The following HTT variants were observed in gnomAD, a reference collection of about 807,000 sequenced individuals.
The protein encoded by HTT is huntington disease protein.
A neutral mutation model predicts 362.3 loss-of-function variants in HTT; 104 were observed. The observed-to-expected ratio is 0.29, with a 90% confidence interval of 0.24 to 0.34. The LOEUF is 0.34. Among genes scored for constraint, HTT ranks in the 10% least tolerant of loss-of-function variants. The probability of loss-of-function intolerance (pLI) is 1.00; values close to 1 mark genes in which losing one functional copy is unlikely to be tolerated. For synonymous variants in HTT, 1,577 were observed against 1,548.7 expected (o/e 1.02, Z -0.43); for missense variants, 3,301 against 3,928.6 (o/e 0.84, Z 4.27).
intron 31 of HTT, among the ~76,000 whole-genome samples, chr4:3,173,908 T>C (rs1455786103): frequency 6.6e-6 from 1 of 152,136 alleles, no homozygotes; most frequent in Admixed American, 6.5e-5. Flanking sequence ...CCTGACCTCG[T>C]GATCTGCCCG....
chr4:3,132,670 G>T lies in HTT; in HGVS notation c.2345G>T (p.Arg782Met). ...CGTLICSILS[R>M]SRFHVGDWMG... ...ACCCTCATCTGCTCCATCCTCAGCA[G>T]GTCCCGCTTCCACGTGGGAGATTGG... The change falls in exon 17 of 67, where the codon AGG (arginine) becomes ATG (methionine). Residue 782 changes from arginine to methionine, a missense_variant. By Grantham distance (91) the Arg-to-Met change is moderately conservative. Around this residue, in one of 4 missense-constraint regions of HTT, gnomAD observed 2,316 missense variants for 2,658.5 expected, o/e 0.87. Coordinates refer to ENST00000355072, the MANE Select transcript of HTT (RefSeq NM_001388492.1). 1 of 1,614,166 alleles carries T rather than the reference G, an allele frequency of 6.2e-7. No homozygotes were observed. Among genetic ancestry groups the T allele is most frequent in the Non-Finnish European group, 8.5e-7 (1 of 1,180,018 alleles).
intron 2 of HTT, among the ~76,000 whole-genome samples, chr4:3,087,856 T>A (rs1296693851): frequency 2.0e-5 from 3 of 152,210 alleles, no homozygotes; most frequent in African/African-American, 4.8e-5. Context: ...ATTCTTTTTT[T>A]AATTTTTTTT....
intron 40 of HTT, among the ~76,000 whole-genome samples, chr4:3,190,866 A>G (rs1718982420): frequency 1.3e-5 from 2 of 152,242 alleles, no homozygotes; most frequent in Non-Finnish European, 2.9e-5. Context: ...CTAGAAGCCT[A>G]GTTCTAGGGG....
intron 34 of HTT, among the ~76,000 whole-genome samples, chr4:3,177,732 G>C (rs1718301883): frequency 6.6e-6 from 1 of 152,180 alleles, no homozygotes; most frequent in Non-Finnish European, 1.5e-5. Flanking sequence ...GTTGTCTTTA[G>C]TAATTATTAT....
intron 29 of HTT, among the ~76,000 whole-genome samples, chr4:3,168,287 A>G (rs192938044): frequency 0.011 from 1,679 of 152,320 alleles, 14 homozygotes; most frequent in African/African-American, 0.022. Context: ...CTGCACCAAC[A>G]TGCATAGGCC....
chr4:3,161,145 T>C (rs1299056942), intron 29 of HTT, among the ~76,000 whole-genome samples: 2 of 152,120 alleles, frequency 1.3e-5, no homozygotes, highest in African/African-American at 4.8e-5. Context: ...TTGTTCAATT[T>C]CCACTTGTGA....
chr4:3,226,136 G>A (rs1720900202), intron 57 of HTT, among the ~76,000 whole-genome samples: 1 of 152,176 alleles, frequency 6.6e-6, no homozygotes, highest in East Asian at 1.9e-4. Context: ...GCCATGGTAT[G>A]GGGGGCCGCA....
intron 29 of HTT, among the ~76,000 whole-genome samples, chr4:3,160,794 A>C (rs895316454): frequency 5.9e-5 from 9 of 152,164 alleles, no homozygotes; most frequent in African/African-American, 1.9e-4. Context: ...TGGGGTTGAC[A>C]GTCATATTCT....
intron 1 of HTT, among the ~76,000 whole-genome samples, chr4:3,081,732 T>A (rs1438258086): frequency 6.6e-6 from 1 of 151,706 alleles, no homozygotes; most frequent in African/African-American, 2.4e-5. Flanking sequence ...TAATTTTGTA[T>A]TTTTAGTAGA....
chr4:3,145,023 C>A, intron 23 of HTT, 129 bp from the exon 24 acceptor site: 1 of 736,802 alleles, frequency 1.4e-6, no homozygotes, highest in South Asian at 1.6e-5. Context: ...GACAGATATC[C>A]TGTGGTTATC....
chr4:3,154,303 C>A lies in HTT; in HGVS notation c.3509C>A (p.Pro1170His). The change falls in exon 27 of 67, where the codon CCT (proline) becomes CAT (histidine). Residue 1170 changes from proline (P) to histidine (H), a missense_variant. By Grantham distance (77) the Pro-to-His change is moderately conservative. This residue lies in a region of HTT where 2,316 missense variants were observed against 2,658.5 expected (regional missense o/e 0.87). Coordinates refer to ENST00000355072, the MANE Select transcript of HTT (RefSeq NM_001388492.1). ...GTTTTTCTATTTTAGGCAGCCTTGCCTTCTCTAACAAACCCCCCTTCTCTA... is the reference window on the plus strand; with the variant it reads ...GTTTTTCTATTTTAGGCAGCCTTGCATTCTCTAACAAACCCCCCTTCTCTA... ...APGPAIKAALPSLTNPPSLSP... is the reference protein window; with the variant it reads ...APGPAIKAALHSLTNPPSLSP... 1 of 1,590,954 alleles carries A rather than the reference C, an allele frequency of 6.3e-7. No homozygotes were observed. The highest frequency in any genetic ancestry group is 8.6e-7 in the Non-Finnish European group (1 of 1,168,718).
chr4:3,163,947 T>A (rs1717576300), intron 29 of HTT, among the ~76,000 whole-genome samples: 1 of 152,174 alleles, frequency 6.6e-6, no homozygotes, highest in Non-Finnish European at 1.5e-5. Flanking sequence ...CTGATCTTAG[T>A]TATTTTTTGT....
intron 28 of HTT, among the ~76,000 whole-genome samples, chr4:3,158,981 G>T (rs985346777): frequency 3.8e-4 from 58 of 152,240 alleles, no homozygotes; most frequent in African/African-American, 1.3e-3. Context: ...TGGCATCTTG[G>T]ACTCCTGTTT....
chr4:3,146,842 C>T lies in HTT; in HGVS notation c.3189C>T (p.Thr1063=), dbSNP rs202105394. 72 of 1,613,952 alleles carry T rather than the reference C, an allele frequency of 4.5e-5. No homozygotes were observed. Among genetic ancestry groups the T allele is most frequent in the East Asian group, 2.0e-4 (9 of 44,902 alleles). ...CAGATGAGTCTAGGAAGAGCTGTAC[C>T]GTTGGGATGGCCACAATGATTCTGA... ...SASDESRKSC[T]VGMATMILTL... Residue 1063 remains threonine, a synonymous_variant, in exon 25 of 67, where the codon ACC becomes ACT. Coordinates refer to ENST00000355072, the MANE Select transcript of HTT (RefSeq NM_001388492.1).
At position 3,238,583 on chromosome 4, in the gene HTT, C is replaced by A. The variant is rs1721651245; in HGVS notation, c.9028C>A (p.Gln3010Lys). 1 of 1,611,464 alleles carries A rather than the reference C, an allele frequency of 6.2e-7. No homozygotes were observed. Among genetic ancestry groups the A allele is most frequent in the Non-Finnish European group, 8.5e-7 (1 of 1,178,798 alleles). Residue 3010 changes from glutamine (Q) to lysine (K), a missense_variant, in exon 65 of 67, where the codon CAG becomes AAG. Transcript: ENST00000355072. ...EFLSNQQPYP[Q>K]FMATVVYKVF... ...TCTGTCCAACCAGCAGCCATACCCC[C>A]AGTTCATGGCCACCGTGGTGTATAA...
In HTT at chr4:3,228,191, G is replaced by A. The variant is rs1180359000; in HGVS notation, c.7849-424G>A. Among the ~76,000 whole-genome samples, 3 of 152,174 alleles carry A rather than the reference G, an allele frequency of 2.0e-5. No individual in the cohort carries two copies. The highest frequency in any genetic ancestry group is 7.2e-5 in the African/African-American group (3 of 41,422). ...GTGGTGGCTGCGTGATCTAGAGCGCGGGTCACAAAGGCGCGAGGGAGCTCT... is the reference window on the plus strand; with the variant it reads ...GTGGTGGCTGCGTGATCTAGAGCGCAGGTCACAAAGGCGCGAGGGAGCTCT... On this transcript the variant is annotated intron_variant, in intron 57 of 66. Transcript: ENST00000355072. The surrounding 1 kb of genome is among the most constrained non-coding windows in gnomAD (Gnocchi z 4.3).
At chr4:3,152,010 C>T (rs569789032) in intron 26 of HTT, among the ~76,000 whole-genome samples, 2 of 152,120 alleles carry the variant, frequency 1.3e-5, no homozygotes, top group East Asian at 3.9e-4. Context: ...TCACTGCGGC[C>T]TCGATCTCCC....
At chr4:3,171,756 C>T (rs535658096) in intron 29 of HTT, among the ~76,000 whole-genome samples, 43 of 152,278 alleles carry the variant, frequency 2.8e-4, no homozygotes, top group Middle Eastern at 6.8e-3. Context: ...GGATTACAGG[C>T]GTGAGCCACC....
At position 3,206,807 on chromosome 4, in the gene HTT, C is replaced by T. The variant is rs769547244; in HGVS notation, c.5899C>T (p.Pro1967Ser). 6 of 1,595,230 alleles carry T rather than the reference C, an allele frequency of 3.8e-6. No individual in the cohort carries two copies. The highest frequency in any genetic ancestry group is 1.1e-5 in the South Asian group (1 of 88,786). The change falls in exon 44 of 67, where the codon CCA (proline) becomes TCA (serine). Residue 1967 changes from proline (P) to serine (S), a missense_variant and splice_region_variant. Pro to Ser is a moderately conservative substitution (Grantham distance 74). Transcript: ENST00000355072. The surrounding 1 kb of genome is among the most constrained non-coding windows in gnomAD (Gnocchi z 4.6). The part of the protein sequence containing the change: ...IQSRCENLST[P>S]TMLKKTLQCL... Reference sequence around the variant, plus strand: ...TTGTTCTTTTCCTTCTTGCTGTTAGCCAACCATGCTGAAGAAAACTCTTCA... The same window carrying T: ...TTGTTCTTTTCCTTCTTGCTGTTAGTCAACCATGCTGAAGAAAACTCTTCA...
Sources: gnomAD v4.1 joint callset for allele counts (sites outside exome capture counted in the v4.1 genomes callset) on GRCh38, gnomAD v4.1.1 for gene constraint, gnomAD v4.1.1 regional missense constraint, Gnocchi (gnomAD v3.1) non-coding constraint, MANE v1.5 for transcripts, NCBI Gene and HGNC (gene_info 2026-07-23, HGNC 2026-07-21) for gene names.